The following THPO variants were observed in gnomAD, a reference collection of about 807,000 sequenced individuals.
The protein encoded by THPO is thrombopoietin, also known as MPL ligand.
THPO carries 12 observed loss-of-function variants against 17.0 expected under a neutral mutation model. That is an observed-to-expected ratio of 0.71 (90% CI 0.45 to 1.14). The LOEUF is 1.14. Ranked by LOEUF, THPO falls within the 50% of genes most tolerant of loss-of-function variation. The pLI is 0.00. For synonymous variants in THPO, 188 were observed against 183.0 expected (o/e 1.03, Z -0.22); for missense variants, 365 against 427.5 (o/e 0.85, Z 1.29).
intron 4 of THPO, 57 bp from the exon 5 acceptor site, chr3:184,373,639 G>T: frequency 6.3e-7 from 1 of 1,594,200 alleles, no homozygotes; most frequent in Admixed American, 1.7e-5. Flanking sequence ...CTAAAAGCGG[G>T]TGGGGAGCCT....
intron 2 of THPO, 21 bp from the exon 3 acceptor site, chr3:184,376,036 G>T (rs1345437282): frequency 1.9e-6 from 3 of 1,613,916 alleles, no homozygotes; most frequent in Admixed American, 3.3e-5. Flanking sequence ...GAGAGGTGAG[G>T]TTGAAAGATG....
chr3:184,378,210 C>G, upstream of THPO: 1 of 985,442 alleles, frequency 1.0e-6, no homozygotes, highest in Non-Finnish European at 1.2e-6. Context: ...CCACTTCTGC[C>G]CAATCAGAGA....
intron 2 of THPO, 100 bp downstream of exon 2, chr3:184,376,147 A>G (rs1714379557): frequency 1.2e-5 from 19 of 1,612,682 alleles, no homozygotes; most frequent in East Asian, 2.2e-5. Context: ...TTTTGGGAGA[A>G]TGGGTTCCCC....
At chr3:184,374,914 A>C (rs1714256469) in intron 4 of THPO, among the ~76,000 whole-genome samples, 1 of 152,090 alleles carries the variant, frequency 6.6e-6, no homozygotes, top group South Asian at 2.1e-4. Context: ...TCAGCCTTCC[A>C]AGTAGCTGGG....
In THPO at chr3:184,372,982, C is replaced by T; in HGVS notation, c.593G>A (p.Arg198Lys). The change falls in exon 6 of 6, where the codon AGG (arginine) becomes AAG (lysine). Residue 198 changes from arginine (R) to lysine (K), a missense_variant. Transcript: ENST00000647395. ...LVLTLNELPN[R>K]TSGLLETNFT... ...GTTTGTCTCCAACAATCCAGAAGTC[C>T]TGTTTGGGAGCTCGTTCAGTGTGAG... is the stretch of plus-strand genomic sequence containing the variant. 1 of 1,614,128 alleles carries T rather than the reference C, an allele frequency of 6.2e-7. No homozygotes were observed. Among genetic ancestry groups the T allele is most frequent in the African/African-American group, 1.3e-5 (1 of 75,014 alleles).
Position 184,378,083 on chromosome 3 carries a change from G to A in THPO, c.-154C>T. The A allele has an allele frequency of 1.0e-6, 1 of 985,632 alleles. No individual in the cohort carries two copies. Among genetic ancestry groups the A allele is most frequent in the Non-Finnish European group, 1.2e-6 (1 of 830,088 alleles). The allele number at this position is 985,632 out of a possible 1,614,324, so 61.1% of individuals were successfully genotyped here. On this transcript the variant is annotated 5_prime_UTR_variant, in exon 1 of 6. Coordinates refer to ENST00000647395, the MANE Select transcript of THPO (RefSeq NM_000460.4). ...CCCTGCTGGCCACTCACCGGGTGGA[G>A]AAGGGCTCCAGGACCCAAGTGCACA...
chr3:184,376,338 C>T lies in THPO; in HGVS notation c.-79G>A, dbSNP rs1381523634. 9 of 1,613,908 alleles carry T rather than the reference C, an allele frequency of 5.6e-6. No homozygotes were observed. In the East Asian group the frequency reaches 2.0e-4, roughly 36 times the overall value. On this transcript the variant is annotated 5_prime_UTR_variant, in exon 2 of 6. Transcript: ENST00000647395. ...ATCCTTCCTGGGGCCATGGAGGCGG[C>T]TTAGGCTCTTGCACTTCTGGGCAGA...
At chr3:184,373,891 A>T (rs1714174631) in intron 4 of THPO, among the ~76,000 whole-genome samples, 1 of 152,120 alleles carries the variant, frequency 6.6e-6, no homozygotes, top group East Asian at 1.9e-4. Flanking sequence ...AGTGCTGCAA[A>T]TTTACTCTTT....
In THPO at chr3:184,376,335, C is replaced by T. The variant is rs572059358; in HGVS notation, c.-76G>A. 7.2e-5 allele frequency: 117 copies of T among 1,613,992 alleles called. No individual in the cohort carries two copies. The Middle Eastern group carries it at 1.2e-3, about 16-fold the overall frequency. On this transcript the variant is annotated 5_prime_UTR_variant, in exon 2 of 6. Transcript: ENST00000647395. ...TGAATCCTTCCTGGGGCCATGGAGG[C>T]GGCTTAGGCTCTTGCACTTCTGGGC...
chr3:184,376,391 G>C lies in THPO; in HGVS notation c.-132C>G. On this transcript the variant is annotated 5_prime_UTR_variant, in exon 2 of 6. Transcript: ENST00000647395. ...AGGGTGGGGCAAAGGCGGGCCAAGG[G>C]TGAAGAATCTATCCTGAAAGTAGCA... is the stretch of plus-strand genomic sequence containing the variant. 6.2e-7 allele frequency: 1 copy of C among 1,602,672 alleles called. No individual in the cohort carries two copies. Among genetic ancestry groups the C allele is most frequent in the Non-Finnish European group, 8.5e-7 (1 of 1,176,288 alleles).
At chr3:184,376,681 C>A (rs116653321) in intron 1 of THPO, among the ~76,000 whole-genome samples, 1 of 151,850 alleles carries the variant, frequency 6.6e-6, no homozygotes, top group African/African-American at 2.4e-5. Flanking sequence ...CCCGGCTCTA[C>A]GAAATACAAA....
At chr3:184,378,289 G>C, upstream of THPO, 2 of 985,526 alleles carry the variant, frequency 2.0e-6, no homozygotes, top group African/African-American at 3.5e-5. Flanking sequence ...CCCCTGCCTG[G>C]ACCAGGGTCC....
At position 184,372,737 on chromosome 3, in the gene THPO, C is replaced by T. The variant is rs1714012645; in HGVS notation, c.838G>A (p.Asp280Asn). ...AGGTTGGGTGGCAGGGAGCCTGTGT[C>T]TGATGTTCCTGAGGAAATGTCCGGG... Reference protein sequence around the residue: ...GAPDISSGTSDTGSLPPNLQP... With the variant: ...GAPDISSGTSNTGSLPPNLQP... The change falls in exon 6 of 6, where the codon GAC (aspartate) becomes AAC (asparagine). Residue 280 changes from aspartate to asparagine, a missense_variant. Transcript: ENST00000647395. 1.2e-6 allele frequency: 2 copies of T among 1,613,624 alleles called. No homozygotes were observed. The highest frequency in any genetic ancestry group is 2.2e-5 in the East Asian group (1 of 44,822).
chr3:184,375,288 C>T (rs1198372286), intron 4 of THPO, among the ~76,000 whole-genome samples: 3 of 152,238 alleles, frequency 2.0e-5, no homozygotes, highest in Admixed American at 2.0e-4. Context: ...AGCGATTTCT[C>T]TCCAGCTTTT....
upstream of THPO, among the ~76,000 whole-genome samples, chr3:184,379,563 C>T (rs1006009286): frequency 5.9e-5 from 9 of 151,988 alleles, no homozygotes; most frequent in African/African-American, 1.9e-4. Flanking sequence ...CGCTGTGGGC[C>T]CAGGCAGGGG....
At position 184,376,483 on chromosome 3, in the gene THPO, A is replaced by T. The variant is rs1714411656; in HGVS notation, c.-145-79T>A. On this transcript the variant is annotated intron_variant, in intron 1 of 5. Coordinates refer to ENST00000647395, the MANE Select transcript of THPO (RefSeq NM_000460.4). The stretch of plus-strand genomic sequence containing the variant: ...CTGGCAGGGTGAACAGATGCTGGGG[A>T]GGGCTTGAGATGCTGACCAGCCTGG... 4 of 1,404,134 alleles carry T rather than the reference A, an allele frequency of 2.8e-6. No homozygotes were observed. The East Asian group carries it at 1.0e-4, about 36-fold the overall frequency. The allele number at this position is 1,404,134 out of a possible 1,614,324, so 87.0% of individuals were successfully genotyped here. A position where few individuals can be genotyped will look rare whatever the true frequency, so the allele number is the denominator to read the frequency against.
chr3:184,372,296 C>G lies in THPO; in HGVS notation c.*217G>C. The G allele has an allele frequency of 1.7e-6, 1 of 584,704 alleles. No homozygotes were observed. The highest frequency in any genetic ancestry group is 2.1e-5 in the South Asian group (1 of 46,762). The allele number at this position is 584,704 out of a possible 1,614,324, so 36.2% of individuals were successfully genotyped here. A position where few individuals can be genotyped will look rare whatever the true frequency, so the allele number is the denominator to read the frequency against. Reference sequence around the variant, plus strand: ...AGAAAATAGACCAAAGAGCTAGCTGCTCTGATGAGTATTGCTGATAGCTTA... The same window carrying G: ...AGAAAATAGACCAAAGAGCTAGCTGGTCTGATGAGTATTGCTGATAGCTTA... On this transcript the variant is annotated 3_prime_UTR_variant, in exon 6 of 6. Transcript: ENST00000647395.
chr3:184,379,278 G>A (rs1409205321), upstream of THPO, among the ~76,000 whole-genome samples: 1 of 152,170 alleles, frequency 6.6e-6, no homozygotes, highest in East Asian at 1.9e-4. Flanking sequence ...AGGCAGGCAT[G>A]ACCAGGGAAC....
Position 184,375,911 on chromosome 3 carries a change from A to C in THPO, c.118T>G (p.Ser40Ala), listed in dbSNP as rs952648408. 1 of 1,613,238 alleles carries C rather than the reference A, an allele frequency of 6.2e-7. No homozygotes were observed. The highest frequency in any genetic ancestry group is 8.5e-7 in the Non-Finnish European group (1 of 1,179,830). Residue 40 changes from serine to alanine, a missense_variant, in exon 3 of 6, where the codon TCC becomes GCC. Physicochemically the swap from Ser to Ala is moderately conservative, Grantham distance 99. Transcript: ENST00000647395. ...LRVLSKLLRD[S>A]HVLHSRLSQC... ...ACCAGTCTGCTGTGAAGGACATGGG[A>C]GTCACGAAGCAGTTTACTGAGGACT... is the stretch of plus-strand genomic sequence containing the variant.
Sources: allele counts gnomAD v4.1 joint callset (sites outside exome capture counted in the v4.1 genomes callset), GRCh38; gene constraint gnomAD v4.1.1; transcripts MANE v1.5; gene names NCBI Gene and HGNC (gene_info 2026-07-23, HGNC 2026-07-21).